ULK4: variants seen among roughly 807,000 people sequenced by gnomAD.
ULK4 encodes the protein inactive serine/threonine-protein kinase ULK4.
ULK4 carries 133 observed loss-of-function variants against 160.6 expected under a neutral mutation model. The observed-to-expected ratio is 0.83, with a 90% CI of 0.72 to 0.96. The LOEUF (loss-of-function observed/expected upper bound fraction) is 0.96. Ranked by LOEUF, ULK4 falls within the 40% of genes least tolerant of loss-of-function variation. ULK4 has a pLI of 0.00. For missense variants in ULK4, 1,580 were observed against 1,499.5 expected, an observed-to-expected ratio of 1.05 and a Z score of -0.89; for synonymous variants, 534 against 539.8, an observed-to-expected ratio of 0.99 and a Z score of 0.15.
At chr3:41,692,769 C>G (rs553468148) in intron 27 of ULK4, among the ~76,000 whole-genome samples, 1 of 152,174 alleles carries the variant, frequency 6.6e-6, no homozygotes, top group Non-Finnish European at 1.5e-5. Flanking sequence ...GCTCTGAAAG[C>G]AGAGACCTAC....
At chr3:41,886,191 TATTA>T (rs1226167529) in intron 16 of ULK4, among the ~76,000 whole-genome samples, 1 of 152,206 alleles carries the variant, frequency 6.6e-6, no homozygotes, top group Non-Finnish European at 1.5e-5. Flanking sequence ...TGGAAGCTAC[TATTA>T]ATTTTTAATT....
intron 21 of ULK4, among the ~76,000 whole-genome samples, chr3:41,780,133 G>A (rs1000556099): frequency 7.3e-5 from 11 of 151,452 alleles, no homozygotes; most frequent in African/African-American, 2.4e-4. Context: ...GCAGCATGGC[G>A]AAACCCAGTC....
chr3:41,567,922 T>C (rs905031315), intron 31 of ULK4, among the ~76,000 whole-genome samples: 4 of 151,990 alleles, frequency 2.6e-5, no homozygotes, highest in African/African-American at 9.7e-5. Flanking sequence ...TTTTCCCTCA[T>C]GTTAACATCT....
At position 41,939,161 on chromosome 3, in the gene ULK4, C is replaced by A. The variant is rs966730771; in HGVS notation, c.139-964G>T. Among the ~76,000 whole-genome samples, 6 of 66,310 alleles carry A rather than the reference C, an allele frequency of 9.0e-5. No homozygotes were observed. In the Admixed American group the frequency reaches 1.2e-3, roughly 13 times the overall value. The allele number at this position is 66,310 out of a possible 152,430, so 43.5% of individuals were successfully genotyped here. A position where few individuals can be genotyped will look rare whatever the true frequency, so the allele number is the denominator to read the frequency against. On this transcript the variant is annotated intron_variant, in intron 2 of 36. Transcript: ENST00000301831. The stretch of plus-strand genomic sequence containing the variant: ...CAAAGCAAGACATGAGCAATGATTA[C>A]CCTTTTTTTTTTTTTTTGAGGAGGA...
intron 21 of ULK4, among the ~76,000 whole-genome samples, chr3:41,774,901 A>G (rs112962808): frequency 0.12 from 18,407 of 149,602 alleles, 1,473 homozygotes; most frequent in Middle Eastern, 0.26. Flanking sequence ...CCATAAAAAT[A>G]ATGAGTTCAT....
chr3:41,360,071 T>C (rs2081111634), intron 35 of ULK4, among the ~76,000 whole-genome samples: 1 of 151,700 alleles, frequency 6.6e-6, no homozygotes. Flanking sequence ...AACTTAAACA[T>C]TTACAGGAAA....
chr3:41,366,257 T>C (rs969238083), intron 35 of ULK4, among the ~76,000 whole-genome samples: 3 of 152,088 alleles, frequency 2.0e-5, no homozygotes, highest in Non-Finnish European at 4.4e-5. Context: ...AAAAACTTAC[T>C]TCAGTGGAAA....
At chr3:41,424,642 G>T (rs1300857889) in intron 34 of ULK4, among the ~76,000 whole-genome samples, 1 of 152,110 alleles carries the variant, frequency 6.6e-6, no homozygotes, top group African/African-American at 2.4e-5. Flanking sequence ...GGCAAATAGG[G>T]TCTGGAGTGG....
intron 22 of ULK4, among the ~76,000 whole-genome samples, chr3:41,718,606 A>G (rs1035350069): frequency 3.9e-5 from 6 of 152,116 alleles, no homozygotes; most frequent in Non-Finnish European, 8.8e-5. Flanking sequence ...AACTCCCTAC[A>G]GGGCAACAAG....
In ULK4 at chr3:41,426,892, C is replaced by T. The variant is rs192145375; in HGVS notation, c.3492+28605G>A. 1.4e-4 allele frequency among the ~76,000 whole-genome samples: 21 copies of T among 152,142 alleles called. No individual in the cohort carries two copies. The Middle Eastern group carries it at 0.017, about 124-fold the overall frequency. On this transcript the variant is annotated intron_variant, in intron 34 of 36. Coordinates refer to ENST00000301831, the MANE Select transcript of ULK4 (RefSeq NM_017886.4). ...TAAAGCAAACAAACCCCAAAACTCA[C>T]GGAAGACAAGAAATAACCAAGATCA...
chr3:41,569,953 G>A (rs781279345), intron 31 of ULK4, among the ~76,000 whole-genome samples: 6 of 152,102 alleles, frequency 3.9e-5, no homozygotes, highest in African/African-American at 1.2e-4. Context: ...AGCATTAAGC[G>A]CCAGTGACAG....
rs148890422 is a variant in ULK4, at chr3:41,822,634, G to A, written c.1765-3128C>T. ...GCATTTCGCCATGTTGGCCAGGCTC[G>A]TCTCAAACTCCTGAGCTCAGGTGAT... On this transcript the variant is annotated intron_variant, in intron 18 of 36. Coordinates refer to ENST00000301831, the MANE Select transcript of ULK4 (RefSeq NM_017886.4). Among the ~76,000 whole-genome samples the A allele has an allele frequency of 5.5e-3, 835 of 150,802 alleles. 7 individuals are homozygous for A. Among genetic ancestry groups the A allele is most frequent in the African/African-American group, 0.019 (789 of 40,956 alleles).
intron 35 of ULK4, among the ~76,000 whole-genome samples, chr3:41,256,838 C>G (rs1312316235): frequency 6.6e-6 from 1 of 152,150 alleles, no homozygotes; most frequent in Non-Finnish European, 1.5e-5. Context: ...GGACTTATAT[C>G]AAGAACATAA....
At chr3:41,722,096 C>T (rs1170665389) in intron 22 of ULK4, among the ~76,000 whole-genome samples, 1 of 152,120 alleles carries the variant, frequency 6.6e-6, no homozygotes, top group Admixed American at 6.5e-5. Flanking sequence ...ATAATGCCCG[C>T]CTTATAGGAC....
At chr3:41,293,978 G>A (rs1317553705) in intron 35 of ULK4, among the ~76,000 whole-genome samples, 4 of 152,210 alleles carry the variant, frequency 2.6e-5, no homozygotes, top group Non-Finnish European at 5.9e-5. Context: ...TGAAGGTGTG[G>A]AACAGTGTGT....
chr3:41,759,280 C>T (rs1405848065), intron 21 of ULK4, among the ~76,000 whole-genome samples: 2 of 151,770 alleles, frequency 1.3e-5, no homozygotes, highest in Non-Finnish European at 2.9e-5. Flanking sequence ...AAGGAATTTA[C>T]AAAAAAAGCT....
intron 34 of ULK4, among the ~76,000 whole-genome samples, chr3:41,429,755 G>T (rs534891091): frequency 2.0e-5 from 3 of 151,962 alleles, no homozygotes; most frequent in Admixed American, 6.6e-5. Context: ...GTGCAGCATG[G>T]GGGGAGGGAG....
At chr3:41,828,696 G>A (rs1252717336) in intron 18 of ULK4, among the ~76,000 whole-genome samples, 4 of 151,578 alleles carry the variant, frequency 2.6e-5, no homozygotes, top group East Asian at 1.9e-4. Context: ...GGAAGAATCA[G>A]TATCGTGAAA....
chr3:41,412,370 AAC>A (rs1419842375), intron 34 of ULK4, among the ~76,000 whole-genome samples: 1 of 151,594 alleles, frequency 6.6e-6, no homozygotes, highest in East Asian at 1.9e-4. Flanking sequence ...TTGTAGATTC[AAC>A]ACAATCTCAA....
Sources: gnomAD v4.1 joint callset for allele counts (sites outside exome capture counted in the v4.1 genomes callset) on GRCh38, gnomAD v4.1.1 for gene constraint, MANE v1.5 for transcripts, NCBI Gene and HGNC (gene_info 2026-07-23, HGNC 2026-07-21) for gene names.